The following COP1 variants were observed in gnomAD, a reference collection of about 807,000 sequenced individuals.
COP1 encodes COP1 E3 ubiquitin ligase.
A neutral mutation model predicts 101.3 loss-of-function variants in COP1; 24 were observed. The ratio of observed to expected loss-of-function variants is 0.24; its 90% CI spans 0.17 to 0.33. The LOEUF (loss-of-function observed/expected upper bound fraction) is 0.33, where lower values mean the gene tolerates loss of function less well. COP1 is among the 10% of genes least tolerant of loss of function. The pLI, the probability that COP1 is intolerant of heterozygous loss-of-function variation, is 1.00. For missense variants in COP1, 663 were observed against 906.2 expected (o/e 0.73, Z 3.45); for synonymous variants, 347 against 341.9 (o/e 1.01, Z -0.17).
chr1:176,057,734 T>G (rs1673862201), intron 11 of COP1, among the ~76,000 whole-genome samples: 1 of 152,172 alleles, frequency 6.6e-6, no homozygotes, highest in Non-Finnish European at 1.5e-5. Context: ...GTGCCGAGAT[T>G]GCAGCCTCTG....
At position 176,085,762 on chromosome 1, in the gene COP1, G is replaced by A. The variant is rs766092261; in HGVS notation, c.1141+14C>T. The A allele has an allele frequency of 3.5e-6, 5 of 1,425,466 alleles. No individual in the cohort carries two copies. In the South Asian group the frequency reaches 4.8e-5, roughly 14 times the overall value. The allele number at this position is 1,425,466 out of a possible 1,614,324, so 88.3% of individuals were successfully genotyped here. A position where few individuals can be genotyped will look rare whatever the true frequency, so the allele number is the denominator to read the frequency against. The stretch of plus-strand genomic sequence containing the variant: ...TGTAGATTTCAGATAATTTGAGAAG[G>A]TCTAAATATATACCTGAGATACGAG... On this transcript the variant is annotated intron_variant, in intron 10 of 19. Coordinates refer to ENST00000367669, the MANE Select transcript of COP1 (RefSeq NM_022457.7).
chr1:176,158,804 T>A (rs1252117152), intron 5 of COP1, among the ~76,000 whole-genome samples: 1 of 151,958 alleles, frequency 6.6e-6, no homozygotes, highest in East Asian at 1.9e-4. Flanking sequence ...CATACCCAGC[T>A]AATTTTTTGT....
At chr1:175,968,647 C>G in intron 18 of COP1, 1 of 391,964 alleles carries the variant, frequency 2.6e-6, no homozygotes, top group Non-Finnish European at 5.1e-6. Flanking sequence ...ATTCAGATAA[C>G]AGGAAAAGAA....
intron 6 of COP1, among the ~76,000 whole-genome samples, chr1:176,141,203 T>C (rs1399465755): frequency 6.6e-6 from 1 of 152,166 alleles, no homozygotes; most frequent in East Asian, 1.9e-4. Flanking sequence ...GAAAAGCTGA[T>C]TTTAAAAATC....
chr1:176,097,227 G>GAA lies in COP1; in HGVS notation c.1027-11339_1027-11338dup, dbSNP rs555240474. 9.4e-3 allele frequency among the ~76,000 whole-genome samples: 1,390 copies of GAA among 147,742 alleles called. 22 individuals carry two copies. Among genetic ancestry groups the GAA allele is most frequent in the African/African-American group, 0.033 (1,320 of 40,280 alleles). ...TTCTCTTCTAGGACCTTGTTTTGTT[G>GAA]AAAAAAAAACGACTGAATTATTTTT... On this transcript the variant is annotated intron_variant, in intron 9 of 19. Transcript: ENST00000367669.
At chr1:176,130,246 T>G (rs1343136806) in intron 8 of COP1, among the ~76,000 whole-genome samples, 1 of 151,686 alleles carries the variant, frequency 6.6e-6, no homozygotes, top group Admixed American at 6.6e-5. Flanking sequence ...TCTAAAATAT[T>G]AATAATACTC....
chr1:176,174,672 T>C (rs1369119206), intron 3 of COP1, among the ~76,000 whole-genome samples: 2 of 152,226 alleles, frequency 1.3e-5, no homozygotes, highest in Non-Finnish European at 1.5e-5. Flanking sequence ...TCATAATTTA[T>C]TTTAAACAAC....
At chr1:176,072,363 G>A (rs1572063280) in intron 11 of COP1, among the ~76,000 whole-genome samples, 1 of 152,126 alleles carries the variant, frequency 6.6e-6, no homozygotes, top group Non-Finnish European at 1.5e-5. Context: ...ATAGGAATAT[G>A]CAAGAAATAA....
At chr1:176,175,692 A>T (rs889947459) in intron 3 of COP1, among the ~76,000 whole-genome samples, 1 of 152,176 alleles carries the variant, frequency 6.6e-6, no homozygotes, top group Non-Finnish European at 1.5e-5. Context: ...ATACACAATA[A>T]TCTAAAAGTT....
At chr1:176,088,536 A>G (rs980781739) in intron 9 of COP1, among the ~76,000 whole-genome samples, 1 of 152,210 alleles carries the variant, frequency 6.6e-6, no homozygotes, top group Non-Finnish European at 1.5e-5. Context: ...GCAAATACAT[A>G]AGATCTGCGC....
At chr1:176,055,205 A>T (rs1673242231) in intron 11 of COP1, among the ~76,000 whole-genome samples, 1 of 152,246 alleles carries the variant, frequency 6.6e-6, no homozygotes. Context: ...AGGCCGAGAC[A>T]GGTGGATAAC....
chr1:176,205,593 TACC>T (rs1383772688), intron 1 of COP1, among the ~76,000 whole-genome samples: 1 of 152,172 alleles, frequency 6.6e-6, no homozygotes, highest in Non-Finnish European at 1.5e-5. Context: ...TACGAAACAC[TACC>T]ACTTCTTAAG....
intron 15 of COP1, among the ~76,000 whole-genome samples, chr1:175,999,747 T>C (rs1156253035): frequency 6.6e-6 from 1 of 152,114 alleles, no homozygotes; most frequent in Non-Finnish European, 1.5e-5. Context: ...AGGGTTCCCT[T>C]TTCTCCACAT....
chr1:176,119,105 C>T (rs2149614545), intron 8 of COP1, among the ~76,000 whole-genome samples: 1 of 152,270 alleles, frequency 6.6e-6, no homozygotes, highest in African/African-American at 2.4e-5. Flanking sequence ...TAAAATGTAA[C>T]CATTACTTGC....
At chr1:176,049,178 C>CAAAAAAAAAAAAAAAAAAAAAAAAAAAAA (rs61267982) in intron 11 of COP1, among the ~76,000 whole-genome samples, 1 of 118,372 alleles carries the variant, frequency 8.4e-6, no homozygotes, top group Non-Finnish European at 1.7e-5. Flanking sequence ...GACTCCGTCT[C>CAAAAAAAAAAAAAAAAAAAAAAAAAAAAA]AAAAAAAAAA....
intron 8 of COP1, among the ~76,000 whole-genome samples, chr1:176,130,263 G>A (rs920868170): frequency 6.6e-6 from 1 of 151,518 alleles, no homozygotes; most frequent in African/African-American, 2.4e-5. Context: ...ACTCTAGAAG[G>A]GCAGATAGGA....
At chr1:176,003,865 T>C (rs1430328155) in intron 15 of COP1, among the ~76,000 whole-genome samples, 1 of 152,108 alleles carries the variant, frequency 6.6e-6, no homozygotes, top group Non-Finnish European at 1.5e-5. Context: ...AACTTGAAAG[T>C]AGTTTTTTCC....
chr1:176,042,596 T>C (rs935036055), intron 14 of COP1, among the ~76,000 whole-genome samples: 1 of 140,202 alleles, frequency 7.1e-6, no homozygotes, highest in Non-Finnish European at 1.5e-5. Context: ...CCAAGTGTGG[T>C]GGTACACACC....
At chr1:175,946,057 G>T (rs1649128322) in intron 19 of COP1, among the ~76,000 whole-genome samples, 1 of 152,188 alleles carries the variant, frequency 6.6e-6, no homozygotes. Flanking sequence ...TTTTTGAAGA[G>T]TAAGGTGTAG....
Sources: allele counts gnomAD v4.1 joint callset (sites outside exome capture counted in the v4.1 genomes callset), GRCh38; gene constraint gnomAD v4.1.1; transcripts MANE v1.5; gene names NCBI Gene and HGNC (gene_info 2026-07-23, HGNC 2026-07-21).